The following ZNF160 variants were observed in gnomAD, a reference collection of about 807,000 sequenced individuals.
ZNF160 encodes the protein zinc finger protein 160, also known as KRAB zinc finger protein KR18.
A neutral mutation model predicts 13.1 loss-of-function variants in ZNF160; 9 were observed. The observed-to-expected ratio is 0.69, with a 90% confidence interval of 0.41 to 1.20. The LOEUF (loss-of-function observed/expected upper bound fraction) is 1.20, where lower values mean the gene tolerates loss of function less well. ZNF160 is among the 50% of genes most tolerant of loss of function. The pLI is 0.01. For missense variants in ZNF160, 838 were observed against 988.0 expected (o/e 0.85, Z 2.04); for synonymous variants, 293 against 333.2 (o/e 0.88, Z 1.31).
Position 53,068,413 on chromosome 19 carries a change from G to T in ZNF160, c.2121C>A (p.Cys707Ter). The T allele has an allele frequency of 6.2e-7, 1 of 1,610,636 alleles. No individual in the cohort carries two copies. The highest frequency in any genetic ancestry group is 2.2e-5 in the East Asian group (1 of 44,556). The change falls in exon 6 of 6, where the codon TGC becomes TGA. Residue 707 changes from cysteine (C) to a stop codon, truncating the protein, a stop_gained. Coordinates refer to ENST00000683776, the MANE Select transcript of ZNF160 (RefSeq NM_001322131.2). LOFTEE classifies it low-confidence loss of function (END_TRUNC). ...CACTGAAGGCTTTCCCACACTCATT[G>T]CATCGGTAAGGTTTCTCTCCGGTGT... ...RTHTGEKPYR[C>*]NECGKAFSVR... is the part of the protein sequence containing the mutation.
chr19:53,077,750 T>C (rs1238510213), intron 3 of ZNF160, among the ~76,000 whole-genome samples: 1 of 148,756 alleles, frequency 6.7e-6, no homozygotes, highest in Non-Finnish European at 1.5e-5. Context: ...AAAGTAATAC[T>C]AAAGAAGCAG....
At position 53,071,714 on chromosome 19, in the gene ZNF160, C is replaced by T. The variant is rs188477910; in HGVS notation, c.272-1452G>A. ...AGCCTAGATTCAAACTACCTATGAC[C>T]AAAACACTCACGTTGTGAATCCTAT... On this transcript the variant is annotated intron_variant, in intron 5 of 5. Transcript: ENST00000683776. Among the ~76,000 whole-genome samples the T allele has an allele frequency of 2.5e-4, 38 of 151,608 alleles. 1 individual carries two copies. Among genetic ancestry groups the T allele is most frequent in the Admixed American group, 3.9e-4 (6 of 15,204 alleles).
At chr19:53,070,950 C>T (rs553528798) in intron 5 of ZNF160, among the ~76,000 whole-genome samples, 2 of 152,078 alleles carry the variant, frequency 1.3e-5, no homozygotes, top group East Asian at 3.9e-4. Flanking sequence ...GTAATCCCAG[C>T]ACTTTGGGAG....
intron 2 of ZNF160, among the ~76,000 whole-genome samples, chr19:53,090,158 G>A (rs1271683177): frequency 6.6e-6 from 1 of 151,280 alleles, no homozygotes; most frequent in African/African-American, 2.4e-5. Context: ...CTTGTCACCA[G>A]CTGTCCCGTC....
At chr19:53,100,517 G>A (rs1177376523) in intron 1 of ZNF160, among the ~76,000 whole-genome samples, 1 of 152,162 alleles carries the variant, frequency 6.6e-6, no homozygotes, top group Non-Finnish European at 1.5e-5. Context: ...GGCTGAGGCA[G>A]GAGAATGGCA....
intron 5 of ZNF160, among the ~76,000 whole-genome samples, chr19:53,071,317 G>A (rs989013591): frequency 1.3e-5 from 2 of 151,910 alleles, no homozygotes; most frequent in East Asian, 1.9e-4. Context: ...TTGGGAGGCC[G>A]AGGCGGGTGG....
chr19:53,085,214 G>A, intron 3 of ZNF160: 5 of 985,400 alleles, frequency 5.1e-6, no homozygotes, highest in Non-Finnish European at 4.8e-6. Context: ...GTGAGCTCCT[G>A]TTTCCTAACA....
intron 5 of ZNF160, chr19:53,073,506 A>G: frequency 6.3e-7 from 1 of 1,597,216 alleles, no homozygotes; most frequent in South Asian, 1.1e-5. Flanking sequence ...TCTCCTGAGC[A>G]GGTCTTCCAC....
chr19:53,081,676 G>A (rs1428295890), intron 3 of ZNF160, among the ~76,000 whole-genome samples: 1 of 152,120 alleles, frequency 6.6e-6, no homozygotes, highest in Admixed American at 6.5e-5. Flanking sequence ...TTATGGGAAT[G>A]CAAATTTGTT....
chr19:53,095,625 C>T (rs1016495917), intron 1 of ZNF160: 2 of 152,152 alleles, frequency 1.3e-5, no homozygotes, highest in East Asian at 1.9e-4. Context: ...CAGGTTTGTT[C>T]TCATGAGAGA....
chr19:53,079,041 G>T (rs1416040080), intron 3 of ZNF160, among the ~76,000 whole-genome samples: 2 of 152,050 alleles, frequency 1.3e-5, no homozygotes, highest in African/African-American at 2.4e-5. Context: ...TGATGCAAAA[G>T]CCCTCAACAA....
At chr19:53,097,572 C>T (rs563676606) in intron 1 of ZNF160, among the ~76,000 whole-genome samples, 2 of 152,280 alleles carry the variant, frequency 1.3e-5, no homozygotes, top group East Asian at 1.9e-4. Flanking sequence ...CCCAGGGCAA[C>T]GTATTTCCAC....
At chr19:53,093,531 T>C (rs1317685965) in intron 1 of ZNF160, 1 of 152,144 alleles carries the variant, frequency 6.6e-6, no homozygotes, top group Non-Finnish European at 1.5e-5. Context: ...TTCTACATTG[T>C]CAACACATAA....
chr19:53,088,667 G>T (rs917317035), intron 2 of ZNF160, among the ~76,000 whole-genome samples: 3 of 152,104 alleles, frequency 2.0e-5, no homozygotes, highest in African/African-American at 7.2e-5. Context: ...AAGAAAAAAA[G>T]GCTTTATCAT....
rs1025336338 is a variant in ZNF160, at chr19:53,103,351, G to C, written c.-440C>G. 2.1e-4 allele frequency: 32 copies of C among 152,076 alleles called. No individual in the cohort carries two copies. The highest frequency in any genetic ancestry group is 7.7e-4 in the African/African-American group (32 of 41,316). The allele number at this position is 152,076 out of a possible 1,614,324, so 9.4% of individuals were successfully genotyped here. On this transcript the variant is annotated 5_prime_UTR_variant, in exon 1 of 6. Transcript: ENST00000683776. ...GCGAATGGGGGACGGCGAGGCGCAG[G>C]TTGAGTCTACACAGAGGAACACTCA...
intron 5 of ZNF160, among the ~76,000 whole-genome samples, chr19:53,070,978 A>T (rs369532984): frequency 1.6e-4 from 25 of 151,792 alleles, no homozygotes; most frequent in African/African-American, 6.0e-4. Context: ...TGGGTGGATC[A>T]TGAGGTCAGG....
Position 53,069,021 on chromosome 19 carries a change from C to T in ZNF160, c.1513G>A (p.Gly505Arg), listed in dbSNP as rs1429716664. The part of the protein sequence containing the change: ...QLANHRRIHT[G>R]EKPYKCNECG... ...TCATTACACTTGTAAGGTTTCTCTC[C>T]AGTATGAATTCTTCGATGATTTGCA... Residue 505 changes from glycine (G) to arginine (R), a missense_variant, in exon 6 of 6, where the codon GGA becomes AGA. Transcript: ENST00000683776. The surrounding 1 kb of genome is among the most constrained non-coding windows in gnomAD (Gnocchi z 4.4). The T allele has an allele frequency of 1.2e-6, 2 of 1,614,188 alleles. No individual in the cohort carries two copies. Among genetic ancestry groups the T allele is most frequent in the South Asian group, 2.2e-5 (2 of 91,082 alleles).
At chr19:53,072,138 G>A (rs529061318) in intron 5 of ZNF160, among the ~76,000 whole-genome samples, 1 of 145,372 alleles carries the variant, frequency 6.9e-6, no homozygotes, top group East Asian at 2.0e-4. Context: ...GTCTTGCTCT[G>A]CTCCCCAGGC....
chr19:53,075,723 C>T, intron 3 of ZNF160: 1 of 518,832 alleles, frequency 1.9e-6, no homozygotes, highest in Non-Finnish European at 3.8e-6. Flanking sequence ...TGCTTTGTAG[C>T]ATCTTCTATA....
Sources: gnomAD v4.1 joint callset for allele counts (sites outside exome capture counted in the v4.1 genomes callset) on GRCh38, gnomAD v4.1.1 for gene constraint, Gnocchi (gnomAD v3.1) non-coding constraint, MANE v1.5 for transcripts, NCBI Gene and HGNC (gene_info 2026-07-23, HGNC 2026-07-21) for gene names.